BCOR: variants seen among roughly 807,000 people sequenced by gnomAD.
BCOR encodes BCL6 corepressor.
In BCOR, 10 loss-of-function variants were observed where a neutral mutation model predicts 86.7. That is an observed-to-expected ratio of 0.12 (90% CI 0.07 to 0.20). BCOR has a LOEUF of 0.20. Among genes scored for constraint, BCOR ranks in the 10% least tolerant of loss-of-function variants. BCOR has a pLI of 1.00. For synonymous variants in BCOR, 611 were observed against 609.0 expected, an observed-to-expected ratio of 1.00 and a Z score of -0.05; for missense variants, 1,259 against 1,452.1, an observed-to-expected ratio of 0.87 and a Z score of 2.16.
At chrX:40,152,661 C>T (rs1938193011) in intron 1 of BCOR, among the ~76,000 whole-genome samples, 1 of 113,015 alleles carries the variant, frequency 8.8e-6, no homozygotes, top group Non-Finnish European at 1.9e-5. Context: ...CCACCCCACC[C>T]CCAGGCCACC....
At chrX:40,134,696 G>C (rs894942097) in intron 1 of BCOR, among the ~76,000 whole-genome samples, 1 of 111,752 alleles carries the variant, frequency 8.9e-6, no homozygotes, top group African/African-American at 3.3e-5. Flanking sequence ...ACAGAAGATG[G>C]ATCAACTCAC....
At chrX:40,166,412 T>C (rs1938508765) in intron 1 of BCOR, among the ~76,000 whole-genome samples, 1 of 112,236 alleles carries the variant, frequency 8.9e-6, no homozygotes, top group South Asian at 3.7e-4. Flanking sequence ...TCTCATAGGC[T>C]GCTCCTTCTT....
At chrX:40,070,467 G>C (rs934276219) in intron 6 of BCOR, among the ~76,000 whole-genome samples, 14 of 111,758 alleles carry the variant, frequency 1.3e-4, no homozygotes, top group Admixed American at 6.6e-4. Context: ...CCTCTGTCCG[G>C]TGGGAAGAGC....
At chrX:40,116,022 G>A (rs888544062) in intron 1 of BCOR, among the ~76,000 whole-genome samples, 12 of 111,308 alleles carry the variant, frequency 1.1e-4, no homozygotes, top group African/African-American at 3.9e-4. Context: ...GGGATAACAT[G>A]GGAAGAACTC....
chrX:40,052,370 G>A lies in BCOR; in HGVS notation c.5007C>T (p.Val1669=). The A allele has an allele frequency of 8.3e-7, 1 of 1,210,620 alleles. No individual in the cohort carries two copies. The change falls in exon 15 of 15, where the codon GTC becomes GTT. Residue 1669 remains valine (V), a synonymous_variant. Transcript: ENST00000378444. ...GPRNWLLLSD[V]LKKLKMSSRI... is the part of the protein sequence containing the mutation. ...GGGAGGACATTTTCAATTTCTTAAGGACATCCGAAAGCAGTAGCCAGTTTC... is the reference window on the plus strand; with the variant it reads ...GGGAGGACATTTTCAATTTCTTAAGAACATCCGAAAGCAGTAGCCAGTTTC...
chrX:40,088,358 A>G (rs1255535189), intron 1 of BCOR, among the ~76,000 whole-genome samples: 3 of 112,787 alleles, frequency 2.7e-5, no homozygotes, highest in Non-Finnish European at 5.6e-5. Flanking sequence ...CACTGTTCAC[A>G]AAACAATGTC....
At chrX:40,095,228 C>T (rs1000039105) in intron 1 of BCOR, among the ~76,000 whole-genome samples, 3 of 112,247 alleles carry the variant, frequency 2.7e-5, no homozygotes, top group Non-Finnish European at 5.6e-5. Flanking sequence ...CACCAGATAA[C>T]AGGTCGAGAG....
At chrX:40,117,738 C>T (rs888672959) in intron 1 of BCOR, among the ~76,000 whole-genome samples, 1 of 111,030 alleles carries the variant, frequency 9.0e-6, no homozygotes, top group Non-Finnish European at 1.9e-5. Context: ...CTAATGCTTG[C>T]TTTCTTGGTG....
Position 40,090,822 on chromosome X carries a change from A to G in BCOR, c.-41+6393T>C, listed in dbSNP as rs968915010. On this transcript the variant is annotated intron_variant, in intron 1 of 14. Transcript: ENST00000378444. ...AATGCAAGAGGTTTTTGGTGTCCCT[A>G]GCACGACTGCGAGCGTCTGGCCAGG... Among the ~76,000 whole-genome samples, 4 of 111,748 alleles carry G rather than the reference A, an allele frequency of 3.6e-5. No homozygotes were observed. In the East Asian group the frequency reaches 1.1e-3, roughly 31 times the overall value.
intron 1 of BCOR, among the ~76,000 whole-genome samples, chrX:40,156,012 C>T (rs765033973): frequency 8.8e-5 from 10 of 113,317 alleles, no homozygotes; most frequent in Admixed American, 6.4e-4. Flanking sequence ...GGGCACAGCT[C>T]ACTTAGGAAT....
intron 1 of BCOR, among the ~76,000 whole-genome samples, chrX:40,158,522 G>A (rs1331385521): frequency 8.9e-6 from 1 of 112,604 alleles, no homozygotes; most frequent in Admixed American, 9.3e-5. Flanking sequence ...GTGAAAGCGT[G>A]GCCTGTAGTG....
At chrX:40,099,273 C>G (rs1180099519), upstream of BCOR, among the ~76,000 whole-genome samples, 1 of 111,937 alleles carries the variant, frequency 8.9e-6, no homozygotes, top group Non-Finnish European at 1.9e-5. Context: ...CCGGCCTCCC[C>G]GGAGCGCAAA....
chrX:40,111,229 C>G (rs1427310686), intron 1 of BCOR, among the ~76,000 whole-genome samples: 4 of 111,403 alleles, frequency 3.6e-5, no homozygotes, highest in Non-Finnish European at 7.5e-5. Context: ...CACCCTCACC[C>G]CCCATACCCT....
chrX:40,105,997 G>A (rs897763640), intron 1 of BCOR, among the ~76,000 whole-genome samples: 2 of 112,842 alleles, frequency 1.8e-5, no homozygotes, highest in African/African-American at 6.4e-5. Flanking sequence ...AGCCTCCGGC[G>A]GGGGACGGGA....
intron 1 of BCOR, among the ~76,000 whole-genome samples, chrX:40,166,460 T>C (rs1014134333): frequency 2.5e-4 from 28 of 112,054 alleles, no homozygotes; most frequent in African/African-American, 8.4e-4. Flanking sequence ...CTGGCTTCCC[T>C]CCCATGCCTT....
chrX:40,172,411 G>C (rs1460784311), intron 1 of BCOR, among the ~76,000 whole-genome samples: 2 of 113,008 alleles, frequency 1.8e-5, no homozygotes, highest in African/African-American at 6.4e-5. Flanking sequence ...ACCTTGGGGG[G>C]AAAGAGGGCA....
chrX:40,062,214 C>T lies in BCOR; in HGVS notation c.4353G>A (p.Pro1451=), dbSNP rs770117149. ...TATTGACAATAAGTCTCCGTGCTTC[C>T]GGCGGCATAGGGCGAGACTGGGTGG... is the stretch of plus-strand genomic sequence containing the variant. The part of the protein sequence containing the change: ...QETTQSRPMP[P]EARRLIVNKN... The change falls in exon 10 of 15, where the codon CCG becomes CCA. Residue 1451 remains proline, a synonymous_variant. Coordinates refer to ENST00000378444, the MANE Select transcript of BCOR (RefSeq NM_001123385.2). The T allele has an allele frequency of 1.3e-5, 16 of 1,209,947 alleles. No individual in the cohort carries two copies. The highest frequency in any genetic ancestry group is 1.2e-4 in the East Asian group (4 of 33,771).
intron 1 of BCOR, among the ~76,000 whole-genome samples, chrX:40,139,474 T>C (rs866595059): frequency 8.9e-5 from 1 of 11,174 alleles, no homozygotes; most frequent in Admixed American, 1.8e-3. Context: ...TATATATATA[T>C]ATATATATAT....
chrX:40,095,733 C>A (rs1936828603), intron 1 of BCOR, among the ~76,000 whole-genome samples: 1 of 108,673 alleles, frequency 9.2e-6, no homozygotes, highest in South Asian at 4.1e-4. Flanking sequence ...CTTCGCTCTT[C>A]CATTCCCCCC....
Sources: allele counts gnomAD v4.1 joint callset (sites outside exome capture counted in the v4.1 genomes callset), GRCh38; gene constraint gnomAD v4.1.1; transcripts MANE v1.5; gene names NCBI Gene and HGNC (gene_info 2026-07-23, HGNC 2026-07-21).